The following ITPR1 variants were observed in gnomAD, a reference collection of about 807,000 sequenced individuals.
The protein encoded by ITPR1 is inositol 1,4,5-trisphosphate-gated calcium channel ITPR1.
A neutral mutation model predicts 318.4 loss-of-function variants in ITPR1; 96 were observed. The observed-to-expected ratio is 0.30, with a 90% confidence interval of 0.26 to 0.36. The LOEUF is 0.36. Ranked by LOEUF, ITPR1 falls within the 10% of genes least tolerant of loss-of-function variation. ITPR1 has a pLI of 1.00. For missense variants in ITPR1, 2,440 were observed against 3,460.2 expected (o/e 0.71, Z 7.40); for synonymous variants, 1,312 against 1,289.9 (o/e 1.02, Z -0.37).
chr3:4,725,162 G>A (rs2042418279), intron 40 of ITPR1, among the ~76,000 whole-genome samples: 1 of 151,998 alleles, frequency 6.6e-6, no homozygotes, highest in African/African-American at 2.4e-5. Context: ...TCCCCTGAGA[G>A]CCTCCGTGGA....
intron 29 of ITPR1, 46 bp from the exon 30 acceptor site, chr3:4,685,023 G>C (rs993343430): frequency 1.3e-6 from 2 of 1,587,676 alleles, no homozygotes; most frequent in Non-Finnish European, 1.7e-6. Flanking sequence ...TCTTTTTCCA[G>C]CTATAGTTCC....
intron 49 of ITPR1, among the ~76,000 whole-genome samples, chr3:4,781,149 T>G (rs2046812174): frequency 6.6e-6 from 1 of 152,192 alleles, no homozygotes; most frequent in Non-Finnish European, 1.5e-5. Context: ...ACAGTGAGGC[T>G]CTCTTGTCTC....
intron 61 of ITPR1, among the ~76,000 whole-genome samples, chr3:4,842,232 T>C (rs1212630156): frequency 6.6e-6 from 1 of 152,266 alleles, no homozygotes; most frequent in Non-Finnish European, 1.5e-5. Flanking sequence ...TATTCTTTGC[T>C]TCTTGTTTAG....
At chr3:4,735,095 G>A (rs752545276) in intron 43 of ITPR1, 69 bp from the exon 44 acceptor site, 78 of 1,226,024 alleles carry the variant, frequency 6.4e-5, no homozygotes, top group African/African-American at 3.3e-4. Flanking sequence ...GTGTTGGTGC[G>A]TAGTAAGTAT....
At chr3:4,596,868 C>G (rs1300593700) in intron 4 of ITPR1, among the ~76,000 whole-genome samples, 1 of 152,162 alleles carries the variant, frequency 6.6e-6, no homozygotes, top group African/African-American at 2.4e-5. Context: ...AACAAGTTGA[C>G]TTTATATTGT....
chr3:4,523,584 C>G (rs1437468749), intron 4 of ITPR1, among the ~76,000 whole-genome samples: 3 of 152,166 alleles, frequency 2.0e-5, no homozygotes, highest in Non-Finnish European at 4.4e-5. Context: ...TCTCAATCCT[C>G]CACCCCAGCC....
chr3:4,668,398 C>T (rs573619464), intron 18 of ITPR1, among the ~76,000 whole-genome samples: 3 of 151,998 alleles, frequency 2.0e-5, no homozygotes, highest in African/African-American at 7.2e-5. Context: ...GCTTATTTCA[C>T]TTAGCATTAT....
intron 4 of ITPR1, among the ~76,000 whole-genome samples, chr3:4,581,108 A>T (rs983060459): frequency 2.0e-5 from 3 of 152,178 alleles, no homozygotes; most frequent in African/African-American, 7.2e-5. Context: ...ACATACTGAT[A>T]AAAAATTCCA....
rs371422672 is a variant in ITPR1 at position 4,645,525 on chromosome 3, G to T, written c.708+55G>T. 1.7e-5 allele frequency: 28 copies of T among 1,607,638 alleles called. No individual in the cohort carries two copies. In the African/African-American group the frequency reaches 3.3e-4, roughly 19 times the overall value. On this transcript the variant is annotated intron_variant, in intron 9 of 61. Transcript: ENST00000649015. The stretch of plus-strand genomic sequence containing the variant: ...TACTTGGCTCTTCTTGGGGGCAGCA[G>T]TCTAATTCTCTTTTTAAATTCTTTT...
At chr3:4,735,017 C>T (rs1213041959) in intron 43 of ITPR1, 147 bp from the exon 44 acceptor site, 1 of 631,882 alleles carries the variant, frequency 1.6e-6, no homozygotes, top group Non-Finnish European at 2.7e-6. Context: ...TGTTAATAAT[C>T]AGTATTTTCC....
chr3:4,721,973 G>C (rs549428788), intron 40 of ITPR1, among the ~76,000 whole-genome samples: 1 of 152,162 alleles, frequency 6.6e-6, no homozygotes, highest in Non-Finnish European at 1.5e-5. Flanking sequence ...GTAGAAATTT[G>C]TCCCTTGATA....
intron 54 of ITPR1, among the ~76,000 whole-genome samples, 181 bp downstream of exon 54, chr3:4,800,781 G>T (rs542884776): frequency 3.3e-5 from 5 of 152,192 alleles, no homozygotes; most frequent in Non-Finnish European, 5.9e-5. Context: ...TGACCTCCGC[G>T]TGGTGCAGTG....
At chr3:4,634,512 A>C (rs949898648) in intron 5 of ITPR1, among the ~76,000 whole-genome samples, 1 of 152,158 alleles carries the variant, frequency 6.6e-6, no homozygotes, top group African/African-American at 2.4e-5. Context: ...GCATGACTTT[A>C]AAAAATTCAG....
At chr3:4,675,030 A>G (rs1167077268) in intron 22 of ITPR1, 38 bp from the exon 23 acceptor site, 4 of 1,179,834 alleles carry the variant, frequency 3.4e-6, no homozygotes, top group Non-Finnish European at 3.8e-6. Flanking sequence ...GATGCAGTTT[A>G]TGTAATACCG....
intron 4 of ITPR1, among the ~76,000 whole-genome samples, chr3:4,539,731 A>G (rs2084239921): frequency 6.6e-6 from 1 of 152,062 alleles, no homozygotes; most frequent in Admixed American, 6.6e-5. Flanking sequence ...ATGGAAAGAG[A>G]ACTGATGGCT....
At chr3:4,748,674 A>G (rs1279000253) in intron 44 of ITPR1, among the ~76,000 whole-genome samples, 1 of 152,140 alleles carries the variant, frequency 6.6e-6, no homozygotes, top group Non-Finnish European at 1.5e-5. Context: ...CGATTAGTGG[A>G]TACGTGTGTG....
intron 37 of ITPR1, among the ~76,000 whole-genome samples, chr3:4,708,250 T>G (rs558129973): frequency 2.0e-5 from 3 of 152,162 alleles, no homozygotes; most frequent in Non-Finnish European, 2.9e-5. Flanking sequence ...TTATTCCTTT[T>G]TTTTCTTAGC....
intron 5 of ITPR1, among the ~76,000 whole-genome samples, chr3:4,634,192 A>G (rs536622911): frequency 5.3e-5 from 8 of 152,146 alleles, no homozygotes; most frequent in Non-Finnish European, 7.4e-5. Context: ...AAAGTAATGA[A>G]AAGGTAACAC....
intron 35 of ITPR1, among the ~76,000 whole-genome samples, chr3:4,701,494 C>T (rs924501979): frequency 6.4e-4 from 97 of 152,224 alleles, no homozygotes; most frequent in African/African-American, 2.2e-3. Flanking sequence ...CTGCTCCTGT[C>T]CTCTATTAGG....
Sources: allele counts gnomAD v4.1 joint callset (sites outside exome capture counted in the v4.1 genomes callset), GRCh38; gene constraint gnomAD v4.1.1; transcripts MANE v1.5; gene names NCBI Gene and HGNC (gene_info 2026-07-23, HGNC 2026-07-21).